Variants in ANO1 observed in about 807,000 individuals in gnomAD.
ANO1 encodes anoctamin-1.
In ANO1, 59 loss-of-function variants were observed where a neutral mutation model predicts 124.0. The ratio of observed to expected loss-of-function variants is 0.48; its 90% CI spans 0.39 to 0.59. ANO1 has a LOEUF of 0.59. Ranked by LOEUF, ANO1 falls within the 20% of genes least tolerant of loss-of-function variation. The pLI is 0.00. For missense variants in ANO1, 1,059 were observed against 1,328.0 expected, an observed-to-expected ratio of 0.80 and a Z score of 3.15; for synonymous variants, 529 against 532.0, an observed-to-expected ratio of 0.99 and a Z score of 0.08.
At chr11:70,096,525 T>C (rs192981781) in intron 2 of ANO1, among the ~76,000 whole-genome samples, 80 of 152,230 alleles carry the variant, frequency 5.3e-4, no homozygotes, top group African/African-American at 1.8e-3. Flanking sequence ...GGGATCTAGA[T>C]TGTGTGCTCC....
chr11:70,123,487 G>A (rs183366839), intron 8 of ANO1, among the ~76,000 whole-genome samples: 7 of 152,332 alleles, frequency 4.6e-5, no homozygotes, highest in Non-Finnish European at 8.8e-5. Flanking sequence ...GAGGAGTTAT[G>A]GAGGCTCCAA....
chr11:70,145,560 G>A (rs2047338456), intron 11 of ANO1, among the ~76,000 whole-genome samples: 1 of 151,842 alleles, frequency 6.6e-6, no homozygotes, highest in Non-Finnish European at 1.5e-5. Flanking sequence ...GCTCCAGTCT[G>A]GGTCCTGGCC....
At chr11:70,000,323 G>A (rs1187837010) in intron 1 of ANO1, among the ~76,000 whole-genome samples, 2 of 9,566 alleles carry the variant, frequency 2.1e-4, no homozygotes, top group Non-Finnish European at 6.5e-4. Context: ...AGATGGGCCG[G>A]GGGGGGATGC....
At chr11:70,091,857 G>T (rs1203984588) in intron 2 of ANO1, among the ~76,000 whole-genome samples, 2 of 152,226 alleles carry the variant, frequency 1.3e-5, no homozygotes, top group Non-Finnish European at 2.9e-5. Flanking sequence ...GGTTCATTGT[G>T]TTGAGACATC....
chr11:70,141,833 CA>C (rs1217227795), intron 11 of ANO1: 1 of 152,202 alleles, frequency 6.6e-6, no homozygotes, highest in Non-Finnish European at 1.5e-5. Context: ...TTCCGGCCTC[CA>C]GCTGTTCACA....
chr11:70,098,418 G>A (rs2045107071), intron 2 of ANO1, among the ~76,000 whole-genome samples: 3 of 152,140 alleles, frequency 2.0e-5, no homozygotes, highest in Admixed American at 6.5e-5. Context: ...TGCTGTGCAC[G>A]GCACACACAC....
At chr11:70,182,964 C>A (rs892617325) in intron 24 of ANO1, among the ~76,000 whole-genome samples, 1 of 152,014 alleles carries the variant, frequency 6.6e-6, no homozygotes, top group African/African-American at 2.4e-5. Flanking sequence ...TTTTAAATAG[C>A]CGGGCGTTGT....
intron 18 of ANO1, among the ~76,000 whole-genome samples, chr11:70,162,261 GCCCCGGACAGTGGGGA>G (rs1208908842): frequency 1.4e-5 from 2 of 147,882 alleles, no homozygotes; most frequent in African/African-American, 5.0e-5. Context: ...GGGAGTGAGG[GCCCCGGACAGTGGGGA>G]CCCCGGGCAG....
At chr11:69,994,897 A>G (rs1295593510) in intron 1 of ANO1, among the ~76,000 whole-genome samples, 1 of 152,156 alleles carries the variant, frequency 6.6e-6, no homozygotes, top group African/African-American at 2.4e-5. Context: ...GTATATTCAC[A>G]TCAGATTGTA....
chr11:70,076,611 G>A (rs914747056), upstream of ANO1, among the ~76,000 whole-genome samples: 2 of 152,250 alleles, frequency 1.3e-5, no homozygotes, highest in Middle Eastern at 3.4e-3. Flanking sequence ...TCCCAGCCCT[G>A]GACACTTGAA....
intron 14 of ANO1, among the ~76,000 whole-genome samples, chr11:70,153,647 G>A (rs529903899): frequency 9.2e-5 from 14 of 152,302 alleles, no homozygotes; most frequent in South Asian, 2.1e-4. Flanking sequence ...TGAGGTCATC[G>A]TCTTTTTATA....
intron 4 of ANO1, among the ~76,000 whole-genome samples, chr11:70,104,455 G>A (rs991589834): frequency 1.0e-4 from 15 of 147,294 alleles, no homozygotes; most frequent in Non-Finnish European, 1.5e-4. Flanking sequence ...CCCCTGCCCC[G>A]CCACCCCATC....
At chr11:70,024,661 G>C (rs782313890) in intron 1 of ANO1, among the ~76,000 whole-genome samples, 11 of 152,182 alleles carry the variant, frequency 7.2e-5, no homozygotes, top group Non-Finnish European at 1.3e-4. Flanking sequence ...CAGAGACCTT[G>C]ATTTTGACTC....
intron 1 of ANO1, among the ~76,000 whole-genome samples, chr11:69,988,540 A>G (rs1856092199): frequency 6.6e-6 from 1 of 152,188 alleles, no homozygotes; most frequent in Admixed American, 6.5e-5. Flanking sequence ...CATATGACCC[A>G]GGTGTGAAGT....
At chr11:70,022,580 T>G (rs1222958198) in intron 1 of ANO1, among the ~76,000 whole-genome samples, 1 of 151,088 alleles carries the variant, frequency 6.6e-6, no homozygotes, top group Non-Finnish European at 1.5e-5. Context: ...TACTCCAGCC[T>G]TGGCAACAGA....
rs2048048003 is a variant in ANO1, at chr11:70,161,646, T to C, written c.1805T>C (p.Phe602Ser). 6.2e-7 allele frequency: 1 copy of C among 1,613,960 alleles called. No homozygotes were observed. The highest frequency in any genetic ancestry group is 8.5e-7 in the Non-Finnish European group (1 of 1,179,872). The part of the protein sequence containing the change: ...KIEVPKTEKS[F>S]EERLIFKAFL... ...GAGGTCCCAAAGACGGAGAAAAGCT[T>C]TGAGGAGAGGCTGATCTTCAAGGCT... The change falls in exon 18 of 26, where the codon TTT becomes TCT. Residue 602 changes from phenylalanine to serine, a missense_variant. Phe to Ser is a radical substitution (Grantham distance 155). This residue lies in a region of ANO1 where 809 missense variants were observed against 1,094.9 expected (regional missense o/e 0.74). Transcript: ENST00000355303.
intron 1 of ANO1, among the ~76,000 whole-genome samples, chr11:69,998,481 C>A (rs183035647): frequency 6.6e-6 from 1 of 152,322 alleles, no homozygotes; most frequent in Non-Finnish European, 1.5e-5. Context: ...ATTGTGTGGG[C>A]GTCCTCATGG....
In ANO1 at chr11:70,103,169, G is replaced by A; in HGVS notation, c.540+5G>A. 2.5e-6 allele frequency: 4 copies of A among 1,606,042 alleles called. No homozygotes were observed. Among genetic ancestry groups the A allele is most frequent in the Non-Finnish European group, 3.4e-6 (4 of 1,175,930 alleles). On this transcript the variant is annotated splice_donor_5th_base_variant and intron_variant, in intron 3 of 25. Transcript: ENST00000355303. ...CTGAAGATGCCGACGAAGAAGGTTG[G>A]TGTTGATGGTCCTGCTCCGAAATGA... is the stretch of plus-strand genomic sequence containing the variant.
chr11:70,080,665 G>T (rs1016902238), intron 1 of ANO1, among the ~76,000 whole-genome samples: 1 of 152,222 alleles, frequency 6.6e-6, no homozygotes, highest in Non-Finnish European at 1.5e-5. Context: ...CCAGGTGAAG[G>T]CCATAAAGTC....
Sources: allele counts gnomAD v4.1 joint callset (sites outside exome capture counted in the v4.1 genomes callset), GRCh38; gene constraint gnomAD v4.1.1; regional missense constraint gnomAD v4.1.1; transcripts MANE v1.5; gene names NCBI Gene and HGNC (gene_info 2026-07-23, HGNC 2026-07-21).